INPP4A: variants seen among roughly 807,000 people sequenced by gnomAD.
INPP4A encodes the protein inositol polyphosphate-4-phosphatase, type I, 107kD.
In INPP4A, 33 loss-of-function variants were observed where a neutral mutation model predicts 119.8. That is an observed-to-expected ratio of 0.28 (90% CI 0.21 to 0.37). The LOEUF is 0.37. Ranked by LOEUF, INPP4A falls within the 10% of genes least tolerant of loss-of-function variation. The pLI is 1.00. For missense variants in INPP4A, 956 were observed against 1,289.9 expected (o/e 0.74, Z 3.97); for synonymous variants, 496 against 500.7 (o/e 0.99, Z 0.12).
chr2:98,485,231 A>C (rs1679297642), intron 1 of INPP4A, among the ~76,000 whole-genome samples: 1 of 152,216 alleles, frequency 6.6e-6, no homozygotes, highest in Non-Finnish European at 1.5e-5. Context: ...ACTTCTTTGT[A>C]AGAAACATTT....
At chr2:98,515,951 C>T (rs1438658480) in intron 1 of INPP4A, among the ~76,000 whole-genome samples, 6 of 152,198 alleles carry the variant, frequency 3.9e-5, no homozygotes, top group Non-Finnish European at 7.3e-5. Flanking sequence ...GGAGGGGTCA[C>T]ATGAGTGCGC....
chr2:98,585,400 T>A (rs1004749176), intron 24 of INPP4A, among the ~76,000 whole-genome samples: 1 of 152,238 alleles, frequency 6.6e-6, no homozygotes, highest in South Asian at 2.1e-4. Flanking sequence ...TTTATTGATA[T>A]AATAAAAGTA....
intron 1 of INPP4A, among the ~76,000 whole-genome samples, chr2:98,457,555 A>T (rs1048023936): frequency 4.6e-5 from 7 of 152,240 alleles, no homozygotes; most frequent in African/African-American, 1.7e-4. Context: ...AGTGTTTGTC[A>T]TGGGAACTAG....
chr2:98,524,317 C>G (rs919614043), intron 4 of INPP4A, among the ~76,000 whole-genome samples: 1 of 152,138 alleles, frequency 6.6e-6, no homozygotes, highest in African/African-American at 2.4e-5. Context: ...GCTTATATAT[C>G]AGAGGTGTGT....
At position 98,552,785 on chromosome 2, in the gene INPP4A, G is replaced by T; in HGVS notation, c.1164-1G>T. On this transcript the variant is annotated splice_acceptor_variant, in intron 13 of 24. Transcript: ENST00000409851. LOFTEE classifies it high-confidence loss of function. ...TTAGAATCCATTCTTATCCTTTCCA[G>T]TACATCATCTGGCTGCCAGTCCATA... The T allele has an allele frequency of 6.2e-7, 1 of 1,610,106 alleles. No individual in the cohort carries two copies. Among genetic ancestry groups the T allele is most frequent in the Non-Finnish European group, 8.5e-7 (1 of 1,176,478 alleles).
At chr2:98,571,271 G>A (rs1697390516) in intron 22 of INPP4A, among the ~76,000 whole-genome samples, 2 of 152,208 alleles carry the variant, frequency 1.3e-5, no homozygotes, top group Admixed American at 1.3e-4. Flanking sequence ...GGCAGGTGAG[G>A]AAACTGAGGC....
rs1052678716 is a variant in INPP4A, at chr2:98,566,492, G to T, written c.2420+323G>T. On this transcript the variant is annotated intron_variant, in intron 21 of 24. Coordinates refer to ENST00000409851, the MANE Select transcript of INPP4A (RefSeq NM_001134225.2). The surrounding 1 kb of genome is among the most constrained non-coding windows in gnomAD (Gnocchi z 4.2). ...CTAGGGGGTCTGTAAAGGCTTCTTGGAGTTGCAGGGGATGGGGCTTTGAAT... is the reference window on the plus strand; with the variant it reads ...CTAGGGGGTCTGTAAAGGCTTCTTGTAGTTGCAGGGGATGGGGCTTTGAAT... Among the ~76,000 whole-genome samples the T allele has an allele frequency of 6.6e-6, 1 of 152,164 alleles. No homozygotes were observed. Among genetic ancestry groups the T allele is most frequent in the African/African-American group, 2.4e-5 (1 of 41,448 alleles).
chr2:98,537,581 T>C (rs556648717), intron 7 of INPP4A, among the ~76,000 whole-genome samples: 1 of 152,258 alleles, frequency 6.6e-6, no homozygotes, highest in Admixed American at 6.5e-5. Flanking sequence ...GGAACAGCAT[T>C]GGCTCCTCCT....
chr2:98,567,983 A>G (rs950745607), intron 21 of INPP4A, among the ~76,000 whole-genome samples: 2 of 152,286 alleles, frequency 1.3e-5, no homozygotes, highest in African/African-American at 4.8e-5. Context: ...TGCATTTCCT[A>G]ATGATCACCT....
chr2:98,495,090 G>A (rs1021651018), intron 1 of INPP4A, among the ~76,000 whole-genome samples: 3 of 152,114 alleles, frequency 2.0e-5, no homozygotes, highest in Admixed American at 6.5e-5. Context: ...ACAAAAACAA[G>A]CCCTGGGATA....
At chr2:98,549,353 T>G (rs1051539267) in intron 13 of INPP4A, among the ~76,000 whole-genome samples, 1 of 152,130 alleles carries the variant, frequency 6.6e-6, no homozygotes, top group African/African-American at 2.4e-5. Flanking sequence ...CTTTTCAGTT[T>G]TCACTTCACT....
chr2:98,555,977 A>G, intron 16 of INPP4A, 169 bp downstream of exon 16: 1 of 741,862 alleles, frequency 1.3e-6, no homozygotes, highest in Non-Finnish European at 2.1e-6. Flanking sequence ...GTGAGAGCGG[A>G]GTCTCCGGTT....
chr2:98,552,846 G>C lies in INPP4A; in HGVS notation c.1224G>C (p.Glu408Asp). The C allele has an allele frequency of 6.2e-7, 1 of 1,613,906 alleles. No homozygotes were observed. The highest frequency in any genetic ancestry group is 8.5e-7 in the Non-Finnish European group (1 of 1,179,804). ...CCCAGGATGTTGTCAGAGCCAAGGA[G>C]ATCATCGCCCAGATCAACACCCTGA... ...YIPQDVVRAKEIIAQINTLKT... is the reference protein window; with the variant it reads ...YIPQDVVRAKDIIAQINTLKT... The change falls in exon 14 of 25, where the codon GAG (glutamate) becomes GAC (aspartate). Residue 408 changes from glutamate to aspartate, a missense_variant. By Grantham distance (45) the Glu-to-Asp change is conservative. This residue lies in a region of INPP4A where 652 missense variants were observed against 797.9 expected (regional missense o/e 0.82). Transcript: ENST00000409851.
chr2:98,540,942 C>T (rs1574991224), intron 10 of INPP4A, among the ~76,000 whole-genome samples: 1 of 152,170 alleles, frequency 6.6e-6, no homozygotes, highest in South Asian at 2.1e-4. Context: ...ATAACAGAAG[C>T]GTGAAAGAAA....
rs189208357 is a variant in INPP4A at position 98,505,107 on chromosome 2, C to T, written c.-165-13857C>T. Among the ~76,000 whole-genome samples, 32 of 152,368 alleles carry T rather than the reference C, an allele frequency of 2.1e-4. 2 individuals are homozygous for T. The highest frequency in any genetic ancestry group is 1.7e-3 in the Admixed American group (26 of 15,302). On this transcript the variant is annotated intron_variant, in intron 1 of 24. Coordinates refer to ENST00000409851, the MANE Select transcript of INPP4A (RefSeq NM_001134225.2). The stretch of plus-strand genomic sequence containing the variant: ...GAATATTAAAGTACTATACTAATAA[C>T]TTGCTTTCTAGTAAACAAAACCAAA...
chr2:98,499,830 G>T (rs1164089219), intron 1 of INPP4A, among the ~76,000 whole-genome samples: 1 of 152,202 alleles, frequency 6.6e-6, no homozygotes, highest in Admixed American at 6.5e-5. Flanking sequence ...TTATGGAGAA[G>T]TAGTAAGTTT....
intron 1 of INPP4A, among the ~76,000 whole-genome samples, chr2:98,471,457 T>C (rs1024128865): frequency 3.3e-5 from 5 of 152,244 alleles, no homozygotes; most frequent in African/African-American, 9.6e-5. Flanking sequence ...GTTTCTGTGG[T>C]ATCTCATCAT....
chr2:98,509,685 C>A (rs1574829019), intron 1 of INPP4A, among the ~76,000 whole-genome samples: 2 of 152,316 alleles, frequency 1.3e-5, no homozygotes, highest in South Asian at 4.1e-4. Flanking sequence ...CTGGCACCTC[C>A]CAGACATTGC....
rs754371257 is a variant in INPP4A, at chr2:98,552,834, C to G, written c.1212C>G (p.Val404=). The G allele has an allele frequency of 6.2e-7, 1 of 1,613,774 alleles. No individual in the cohort carries two copies. The highest frequency in any genetic ancestry group is 1.1e-5 in the South Asian group (1 of 91,056). ...TAATCTACATACCCCAGGATGTTGT[C>G]AGAGCCAAGGAGATCATCGCCCAGA... ...QSIIYIPQDV[V]RAKEIIAQIN... The change falls in exon 14 of 25, where the codon GTC becomes GTG. Residue 404 remains valine, a synonymous_variant. Coordinates refer to ENST00000409851, the MANE Select transcript of INPP4A (RefSeq NM_001134225.2).
Sources: allele counts gnomAD v4.1 joint callset (sites outside exome capture counted in the v4.1 genomes callset), GRCh38; gene constraint gnomAD v4.1.1; regional missense constraint gnomAD v4.1.1; non-coding constraint Gnocchi (gnomAD v3.1); transcripts MANE v1.5; gene names NCBI Gene and HGNC (gene_info 2026-07-23, HGNC 2026-07-21).